Variants in CNTN4 observed in about 807,000 individuals in gnomAD.
The protein encoded by CNTN4 is contactin 4, also known as contactin-4.
CNTN4 carries 77 observed loss-of-function variants against 122.5 expected under a neutral mutation model. The observed-to-expected ratio is 0.63, with a 90% CI of 0.52 to 0.76. The LOEUF (loss-of-function observed/expected upper bound fraction) is 0.76. Among genes scored for constraint, CNTN4 ranks in the 30% least tolerant of loss-of-function variants. CNTN4 has a pLI of 0.00. For missense variants in CNTN4, 1,256 were observed against 1,259.1 expected (o/e 1.00, Z 0.04); for synonymous variants, 512 against 447.0 (o/e 1.15, Z -1.83).
chr3:2,727,403 A>G (rs1294458797), intron 4 of CNTN4, among the ~76,000 whole-genome samples: 2 of 152,180 alleles, frequency 1.3e-5, no homozygotes, highest in African/African-American at 4.8e-5. Context: ...GTTACAAAGT[A>G]TTTGCATTTG....
chr3:2,949,760 C>A lies in CNTN4; in HGVS notation c.1358+23981C>A, dbSNP rs563181874. On this transcript the variant is annotated intron_variant, in intron 13 of 24. Coordinates refer to ENST00000418658, the MANE Select transcript of CNTN4 (RefSeq NM_175607.3). ...CCCCATATCTTTTCAATAAGTTCCC[C>A]ATTTTGCATAATTTAACTTTGCTTT... 2.6e-5 allele frequency among the ~76,000 whole-genome samples: 4 copies of A among 152,298 alleles called. No individual in the cohort carries two copies. The East Asian group carries it at 7.7e-4, about 29-fold the overall frequency.
chr3:2,660,709 A>G (rs940413297), intron 4 of CNTN4, among the ~76,000 whole-genome samples: 3 of 152,248 alleles, frequency 2.0e-5, no homozygotes, highest in African/African-American at 7.2e-5. Flanking sequence ...GTGATAATCT[A>G]GACTTTGGTT....
At chr3:2,974,478 G>A (rs1014843226) in intron 13 of CNTN4, among the ~76,000 whole-genome samples, 1 of 152,138 alleles carries the variant, frequency 6.6e-6, no homozygotes, top group African/African-American at 2.4e-5. Context: ...TGAAATTCAG[G>A]TGCTTGTTAA....
chr3:2,122,296 T>G (rs2033852734), intron 2 of CNTN4, among the ~76,000 whole-genome samples: 1 of 152,228 alleles, frequency 6.6e-6, no homozygotes, highest in African/African-American at 2.4e-5. Flanking sequence ...ATGTTACTAT[T>G]ATTTGTTTAT....
intron 3 of CNTN4, among the ~76,000 whole-genome samples, chr3:2,451,635 T>C (rs1489279400): frequency 6.6e-6 from 1 of 152,110 alleles, no homozygotes; most frequent in East Asian, 1.9e-4. Flanking sequence ...AATGTAGTTA[T>C]CCTCACGATA....
intron 3 of CNTN4, among the ~76,000 whole-genome samples, chr3:2,467,898 C>G (rs372084092): frequency 6.6e-6 from 1 of 152,146 alleles, no homozygotes; most frequent in African/African-American, 2.4e-5. Flanking sequence ...TCACCTCATA[C>G]TTTTCAAAAG....
rs1171114709 is a variant in CNTN4 at position 3,057,847 on chromosome 3, A to G, written c.*1627A>G. 6.6e-6 allele frequency: 1 copy of G among 152,648 alleles called. No homozygotes were observed. Among genetic ancestry groups the G allele is most frequent in the Admixed American group, 6.5e-5 (1 of 15,278 alleles). The allele number at this position is 152,648 out of a possible 1,614,324, so 9.5% of individuals were successfully genotyped here. A position where few individuals can be genotyped will look rare whatever the true frequency, so the allele number is the denominator to read the frequency against. On this transcript the variant is annotated 3_prime_UTR_variant, in exon 25 of 25. Transcript: ENST00000418658. ...TCAGCAAAATAATAAAATGAACGAA[A>G]AAAAATGACACCCAGGGAGTTCCCA... is the stretch of plus-strand genomic sequence containing the variant.
chr3:2,717,159 G>A (rs146154246), intron 4 of CNTN4, among the ~76,000 whole-genome samples: 1,853 of 152,180 alleles, frequency 0.012, 31 homozygotes, highest in African/African-American at 0.042. Flanking sequence ...TGACTGCTGC[G>A]CTTTGAAAAG....
chr3:2,915,483 TTTA>T (rs1345718195), intron 12 of CNTN4, among the ~76,000 whole-genome samples: 5 of 152,204 alleles, frequency 3.3e-5, no homozygotes, highest in Non-Finnish European at 7.3e-5. Flanking sequence ...TTGGATGGCT[TTTA>T]TTTATTTACT....
intron 6 of CNTN4, among the ~76,000 whole-genome samples, chr3:2,816,222 C>A (rs1310965670): frequency 1.4e-5 from 2 of 144,854 alleles, no homozygotes; most frequent in African/African-American, 5.7e-5. Context: ...GGCGTGGTGG[C>A]GGGCGCCTGT....
intron 2 of CNTN4, among the ~76,000 whole-genome samples, chr3:2,232,184 G>C (rs1313104213): frequency 6.6e-6 from 1 of 152,000 alleles, no homozygotes; most frequent in African/African-American, 2.4e-5. Flanking sequence ...ACCTGAACCA[G>C]AAATTGTGCT....
At chr3:2,490,669 C>A (rs1450119626) in intron 3 of CNTN4, among the ~76,000 whole-genome samples, 1 of 152,130 alleles carries the variant, frequency 6.6e-6, no homozygotes, top group East Asian at 1.9e-4. Context: ...ATATATGTTG[C>A]ATTATAAGTA....
At chr3:3,055,782 A>G (rs557312082) in intron 24 of CNTN4, among the ~76,000 whole-genome samples, 20 of 152,362 alleles carry the variant, frequency 1.3e-4, no homozygotes, top group African/African-American at 4.6e-4. Flanking sequence ...GCAGAAAGAT[A>G]GAGTTCAAAA....
intron 4 of CNTN4, among the ~76,000 whole-genome samples, chr3:2,720,290 A>G (rs1442038455): frequency 6.6e-6 from 1 of 152,206 alleles, no homozygotes. Flanking sequence ...AGGGATTTAT[A>G]CTGCTTTTAT....
At chr3:2,261,998 G>A (rs1170629909) in intron 2 of CNTN4, among the ~76,000 whole-genome samples, 4 of 152,034 alleles carry the variant, frequency 2.6e-5, no homozygotes, top group Non-Finnish European at 4.4e-5. Flanking sequence ...TTATTACCCA[G>A]GCTTTTCTCC....
At chr3:2,615,066 G>C (rs1241523739) in intron 4 of CNTN4, among the ~76,000 whole-genome samples, 1 of 152,002 alleles carries the variant, frequency 6.6e-6, no homozygotes, top group Non-Finnish European at 1.5e-5. Flanking sequence ...AAAAGACAAA[G>C]AAAGTTTTAT....
At chr3:2,282,707 C>T (rs926304078) in intron 2 of CNTN4, among the ~76,000 whole-genome samples, 1 of 152,116 alleles carries the variant, frequency 6.6e-6, no homozygotes, top group African/African-American at 2.4e-5. Context: ...AAGTTCATAG[C>T]AGCATTATTT....
intron 10 of CNTN4, among the ~76,000 whole-genome samples, chr3:2,896,893 A>G (rs530820041): frequency 1.3e-5 from 2 of 150,720 alleles, no homozygotes; most frequent in Admixed American, 1.3e-4. Flanking sequence ...AATAACTGTG[A>G]ATGTCTACAG....
intron 3 of CNTN4, among the ~76,000 whole-genome samples, chr3:2,567,890 C>A (rs552146105): frequency 6.6e-6 from 1 of 152,066 alleles, no homozygotes; most frequent in Non-Finnish European, 1.5e-5. Flanking sequence ...CAGTGATAAT[C>A]TTTTGCTTCC....
Sources: allele counts gnomAD v4.1 joint callset (sites outside exome capture counted in the v4.1 genomes callset), GRCh38; gene constraint gnomAD v4.1.1; transcripts MANE v1.5; gene names NCBI Gene and HGNC (gene_info 2026-07-23, HGNC 2026-07-21).